The following GALNT6 variants were observed in gnomAD, a reference collection of about 807,000 sequenced individuals.
GALNT6 encodes polypeptide N-acetylgalactosaminyltransferase 6.
A neutral mutation model predicts 65.9 loss-of-function variants in GALNT6; 51 were observed. The observed-to-expected ratio is 0.77, with a 90% CI of 0.62 to 0.98. The LOEUF is 0.98. GALNT6 is among the 50% of genes least tolerant of loss of function. GALNT6 has a pLI of 0.00. For synonymous variants in GALNT6, 323 were observed against 315.1 expected, an observed-to-expected ratio of 1.02 and a Z score of -0.26; for missense variants, 708 against 803.3, an observed-to-expected ratio of 0.88 and a Z score of 1.43.
Position 51,379,419 on chromosome 12 carries a change from C to T in GALNT6, c.363G>A (p.Gln121=), listed in dbSNP as rs866913004. The stretch of plus-strand genomic sequence containing the variant: ...TCTCCAGGGGGGTCCACTTGCTCTT[C>T]TGAAATGCTTTTCCATCTGCCCCAG... ...NAPGADGKAF[Q]KSKWTPLETQ... is the part of the protein sequence containing the mutation. Residue 121 remains glutamine (Q), a synonymous_variant, in exon 3 of 12, where the codon CAG becomes CAA. Coordinates refer to ENST00000356317, the MANE Select transcript of GALNT6 (RefSeq NM_007210.4). 1 of 1,610,946 alleles carries T rather than the reference C, an allele frequency of 6.2e-7. No individual in the cohort carries two copies. The highest frequency in any genetic ancestry group is 8.5e-7 in the Non-Finnish European group (1 of 1,178,468).
chr12:51,384,234 T>C (rs912804683), intron 2 of GALNT6, among the ~76,000 whole-genome samples: 3 of 152,162 alleles, frequency 2.0e-5, no homozygotes, highest in Non-Finnish European at 4.4e-5. Context: ...TGGGATTTGC[T>C]TCCCTGGCCC....
At chr12:51,355,270 T>C (rs562639255) in intron 11 of GALNT6, among the ~76,000 whole-genome samples, 1 of 152,274 alleles carries the variant, frequency 6.6e-6, no homozygotes, top group African/African-American at 2.4e-5. Context: ...GCTTCAGCCA[T>C]GGCAGAGCTA....
Position 51,355,945 on chromosome 12 carries a change from G to A in GALNT6, c.1616C>T (p.Thr539Ile), listed in dbSNP as rs1592309488. Reference protein sequence around the residue: ...GLGGNQYFEYTTQRDLRHNIA... With the variant: ...GLGGNQYFEYITQRDLRHNIA... ...GTTGTGGCGAAGGTCCCTCTGAGTT[G>A]TGTACTCAAAGTACTGGAAATCAAG... is the stretch of plus-strand genomic sequence containing the variant. The change falls in exon 11 of 12, where the codon ACA becomes ATA. Residue 539 changes from threonine to isoleucine, a missense_variant. Transcript: ENST00000356317. The A allele has an allele frequency of 1.2e-6, 2 of 1,612,952 alleles. No individual in the cohort carries two copies. The highest frequency in any genetic ancestry group is 1.7e-6 in the Non-Finnish European group (2 of 1,179,274).
In GALNT6 at chr12:51,359,320, C is replaced by G; in HGVS notation, c.1180G>C (p.Gly394Arg). 1.2e-6 allele frequency: 2 copies of G among 1,610,402 alleles called. No homozygotes were observed. Among genetic ancestry groups the G allele is most frequent in the Non-Finnish European group, 1.7e-6 (2 of 1,178,094 alleles). Residue 394 changes from glycine (G) to arginine (R), a missense_variant, in exon 8 of 12, where the codon GGG (glycine) becomes CGG (arginine). Coordinates refer to ENST00000356317, the MANE Select transcript of GALNT6 (RefSeq NM_007210.4). Reference protein sequence around the residue: ...VEMSFRVWQCGGQLEIIPCSV... With the variant: ...VEMSFRVWQCRGQLEIIPCSV... ...CAGGGGATGATCTCCAGCTGGCCCCCACACTGCCACACCTGATGTAAGAGG... is the reference window on the plus strand; with the variant it reads ...CAGGGGATGATCTCCAGCTGGCCCCGACACTGCCACACCTGATGTAAGAGG...
intron 2 of GALNT6, among the ~76,000 whole-genome samples, chr12:51,380,284 T>C (rs1017705225): frequency 8.5e-5 from 13 of 152,298 alleles, no homozygotes; most frequent in African/African-American, 2.6e-4. Flanking sequence ...CCAAGAGGTA[T>C]GTACAAGAAC....
At position 51,388,376 on chromosome 12, in the gene GALNT6, G is replaced by A. The variant is rs146889692; in HGVS notation, c.-104+2474C>T. ...TGGCAGAAACACAGAGGGGCTGGCC[G>A]GGTTGCTTCCTGTTTGCTGCTCACC... On this transcript the variant is annotated intron_variant, in intron 2 of 11. Transcript: ENST00000356317. Among the ~76,000 whole-genome samples the A allele has an allele frequency of 2.4e-4, 36 of 152,294 alleles. 1 individual carries two copies. In the East Asian group the frequency reaches 6.6e-3, roughly 28 times the overall value.
chr12:51,381,854 T>C (rs530834621), intron 2 of GALNT6, among the ~76,000 whole-genome samples: 18 of 152,264 alleles, frequency 1.2e-4, no homozygotes, highest in Non-Finnish European at 2.4e-4. Flanking sequence ...TTCCCAGCAG[T>C]TATCCTCAAG....
intron 2 of GALNT6, among the ~76,000 whole-genome samples, chr12:51,385,236 G>T (rs568513113): frequency 6.6e-6 from 1 of 152,118 alleles, no homozygotes; most frequent in Non-Finnish European, 1.5e-5. Context: ...CAATCCTCCT[G>T]CCTTGACCTC....
At chr12:51,366,270 C>T (rs1371871898) in intron 4 of GALNT6, among the ~76,000 whole-genome samples, 1 of 152,176 alleles carries the variant, frequency 6.6e-6, no homozygotes, top group Non-Finnish European at 1.5e-5. Context: ...GTTTCTCCAC[C>T]CTCTCAGCCA....
chr12:51,352,524 G>GT lies in GALNT6; in HGVS notation c.*1854dup. On this transcript the variant is annotated 3_prime_UTR_variant, in exon 12 of 12. Coordinates refer to ENST00000356317, the MANE Select transcript of GALNT6 (RefSeq NM_007210.4). ...CTCTCAATTTCACTCATGCTACTTT[G>GT]TTTTTTTAATCTACCTTTTATATGG... 1 of 152,074 alleles carries GT rather than the reference G, an allele frequency of 6.6e-6. No individual in the cohort carries two copies. The highest frequency in any genetic ancestry group is 1.9e-4 in the East Asian group (1 of 5,196). The allele number at this position is 152,074 out of a possible 1,614,324, so 9.4% of individuals were successfully genotyped here.
At chr12:51,365,325 C>T (rs1947061808) in intron 5 of GALNT6, 105 bp downstream of exon 5, 2 of 1,120,192 alleles carry the variant, frequency 1.8e-6, no homozygotes, top group African/African-American at 3.1e-5. Flanking sequence ...TCCTTCACTC[C>T]CGGAAGAGAG....
intron 8 of GALNT6, 24 bp from the exon 9 acceptor site, chr12:51,358,285 A>C (rs780138478): frequency 6.2e-7 from 1 of 1,607,376 alleles, no homozygotes; most frequent in South Asian, 1.1e-5. Context: ...CAGCCCCCTA[A>C]GGATCAGTTC....
chr12:51,360,978 A>G, intron 6 of GALNT6, 140 bp from the exon 7 acceptor site: 1 of 606,930 alleles, frequency 1.6e-6, no homozygotes, highest in Non-Finnish European at 3.0e-6. Context: ...CCCCTCATCC[A>G]CTAACTCACT....
chr12:51,370,713 T>C (rs1011232635), intron 4 of GALNT6, among the ~76,000 whole-genome samples: 1 of 152,086 alleles, frequency 6.6e-6, no homozygotes, highest in African/African-American at 2.4e-5. Flanking sequence ...GGAGAATTCA[T>C]GTTTAATAGG....
chr12:51,372,433 T>G (rs1262833440), intron 4 of GALNT6, among the ~76,000 whole-genome samples: 1 of 152,190 alleles, frequency 6.6e-6, no homozygotes, highest in Admixed American at 6.5e-5. Flanking sequence ...GGTCTTGAAC[T>G]CCTGGGCTCA....
At chr12:51,390,041 T>G (rs1374126962) in intron 2 of GALNT6, among the ~76,000 whole-genome samples, 3 of 152,114 alleles carry the variant, frequency 2.0e-5, no homozygotes, top group Non-Finnish European at 2.9e-5. Context: ...TGATTACCTC[T>G]GGGTTCCTAA....
intron 1 of GALNT6, 36 bp from the exon 2 acceptor site, chr12:51,390,973 A>C (rs190359558): frequency 6.6e-6 from 1 of 152,340 alleles, no homozygotes; most frequent in African/African-American, 2.4e-5. Flanking sequence ...AGTCACAGTC[A>C]TGAACACCCA....
intron 4 of GALNT6, among the ~76,000 whole-genome samples, chr12:51,376,340 T>C (rs946762474): frequency 1.3e-5 from 2 of 151,976 alleles, no homozygotes; most frequent in African/African-American, 4.8e-5. Context: ...GCTAGTGTTG[T>C]AAGAGGCTTC....
chr12:51,386,665 CT>C, intron 2 of GALNT6, among the ~76,000 whole-genome samples: 1 of 152,316 alleles, frequency 6.6e-6, no homozygotes, highest in East Asian at 1.9e-4. Context: ...AAAGTGATAA[CT>C]GTCACCACTC....
Sources: allele counts gnomAD v4.1 joint callset (sites outside exome capture counted in the v4.1 genomes callset), GRCh38; gene constraint gnomAD v4.1.1; transcripts MANE v1.5; gene names NCBI Gene and HGNC (gene_info 2026-07-23, HGNC 2026-07-21).